Variants in ASB13 observed in about 807,000 individuals in gnomAD.
ASB13 encodes ankyrin repeat and SOCS box protein 13.
In ASB13, 33 loss-of-function variants were observed where a neutral mutation model predicts 28.8. The ratio of observed to expected loss-of-function variants is 1.15; its 90% confidence interval spans 0.87 to 1.53. The LOEUF (loss-of-function observed/expected upper bound fraction) is 1.53, where lower values mean the gene tolerates loss of function less well. Ranked by LOEUF, ASB13 falls within the 40% of genes most tolerant of loss-of-function variation. The pLI is 0.00. For missense variants in ASB13, 414 were observed against 390.1 expected (o/e 1.06, Z -0.52); for synonymous variants, 182 against 172.9 (o/e 1.05, Z -0.41).
intron 1 of ASB13, among the ~76,000 whole-genome samples, chr10:5,665,159 A>T (rs1429897712): frequency 6.6e-6 from 1 of 152,194 alleles, no homozygotes; most frequent in Non-Finnish European, 1.5e-5. Context: ...GCAACAGCCC[A>T]AAACCTAAAT....
rs112379661 is a variant in ASB13 at position 5,659,565 on chromosome 10, T to C, written c.44-6515A>G. On this transcript the variant is annotated intron_variant, in intron 1 of 5. Transcript: ENST00000357700. This position sits in a 1 kb window ranked among gnomAD's most constrained non-coding sequence, Gnocchi z 5.8. ...CTGTTCCTTCCCCTGCCTGGAAAGC[T>C]CTTCTCAGCCCCATTCCCCACCTTG... Among the ~76,000 whole-genome samples the C allele has an allele frequency of 0.012, 1,884 of 152,160 alleles. 42 individuals are homozygous for C. Among genetic ancestry groups the C allele is most frequent in the African/African-American group, 0.044 (1,809 of 41,498 alleles).
intron 1 of ASB13, 38 bp downstream of exon 1, chr10:5,666,471 C>T: frequency 7.8e-7 from 1 of 1,283,642 alleles, no homozygotes. Flanking sequence ...GAGCCGGCGC[C>T]GCTGCCTCGC....
Position 5,658,152 on chromosome 10 carries a change from T to C in ASB13, c.44-5102A>G, listed in dbSNP as rs936387514. On this transcript the variant is annotated intron_variant, in intron 1 of 5. Coordinates refer to ENST00000357700, the MANE Select transcript of ASB13 (RefSeq NM_024701.4). This position sits in a 1 kb window ranked among gnomAD's most constrained non-coding sequence, Gnocchi z 4.2. ...CAGCCTGGGTGACAGAGAGAGACTC[T>C]GTCTCAAAAATAAATAAATAAATAC... Among the ~76,000 whole-genome samples the C allele has an allele frequency of 3.3e-5, 5 of 150,582 alleles. No individual in the cohort carries two copies. Among genetic ancestry groups the C allele is most frequent in the African/African-American group, 1.2e-4 (5 of 40,784 alleles).
intron 4 of ASB13, among the ~76,000 whole-genome samples, chr10:5,648,713 G>T (rs1264284412): frequency 6.7e-6 from 1 of 148,548 alleles, no homozygotes; most frequent in Admixed American, 6.7e-5. Flanking sequence ...CACCCCCGGG[G>T]GTAAACACCC....
Position 5,649,253 on chromosome 10 carries a change from A to T in ASB13, c.383-149T>A. On this transcript the variant is annotated intron_variant, in intron 3 of 5. Transcript: ENST00000357700. The surrounding 1 kb of genome is among the most constrained non-coding windows in gnomAD (Gnocchi z 6.4). The stretch of plus-strand genomic sequence containing the variant: ...TGCGTCCCAACCTAGGGAGGAGTTC[A>T]TGACCCGCATGGCCCTCAGGAAGCC... 1 of 1,076,166 alleles carries T rather than the reference A, an allele frequency of 9.3e-7. No individual in the cohort carries two copies. The allele number at this position is 1,076,166 out of a possible 1,614,324, so 66.7% of individuals were successfully genotyped here.
In ASB13 at chr10:5,652,026, C is replaced by CCA. The variant is rs5782851; in HGVS notation, c.232-665_232-664dup. On this transcript the variant is annotated intron_variant, in intron 2 of 5. Transcript: ENST00000357700. The surrounding 1 kb of genome is among the most constrained non-coding windows in gnomAD (Gnocchi z 5.0). ...CAAAAAAAAAAAAAAAAAAAAAAAA[C>CCA]CACACACACACACACACACACACAC... Among the ~76,000 whole-genome samples the CCA allele has an allele frequency of 0.16, 9,256 of 58,690 alleles. 867 individuals carry two copies. Among genetic ancestry groups the CCA allele is most frequent in the Admixed American group, 0.29 (1,541 of 5,236 alleles). The allele number at this position is 58,690 out of a possible 152,430, so 38.5% of individuals were successfully genotyped here. A position where few individuals can be genotyped will look rare whatever the true frequency, so the allele number is the denominator to read the frequency against.
chr10:5,665,371 T>A (rs1041591733), intron 1 of ASB13, among the ~76,000 whole-genome samples: 1 of 152,182 alleles, frequency 6.6e-6, no homozygotes, highest in Non-Finnish European at 1.5e-5. Flanking sequence ...AAAATGACAA[T>A]GTCAAAAATA....
rs570587525 is a variant in ASB13 at position 5,664,664 on chromosome 10, C to A, written c.43+1845G>T. 3.3e-4 allele frequency among the ~76,000 whole-genome samples: 49 copies of A among 147,744 alleles called. No homozygotes were observed. Among genetic ancestry groups the A allele is most frequent in the East Asian group, 1.2e-3 (6 of 5,068 alleles). On this transcript the variant is annotated intron_variant, in intron 1 of 5. Transcript: ENST00000357700. This position sits in a 1 kb window ranked among gnomAD's most constrained non-coding sequence, Gnocchi z 4.2. ...GACGTCCATAGGGAATGCAGAATTT[C>A]TTTATTTCTTTATTTATTTATTTTA...
chr10:5,666,440 C>A (rs1418363232), intron 1 of ASB13, 69 bp downstream of exon 1: 4 of 1,227,792 alleles, frequency 3.3e-6, no homozygotes, highest in Non-Finnish European at 4.1e-6. Flanking sequence ...CGCAGGCCAT[C>A]GGATACGCGG....
chr10:5,640,979 C>T (rs1052615898), intron 5 of ASB13, 149 bp from the exon 6 acceptor site: 54 of 1,069,612 alleles, frequency 5.0e-5, no homozygotes, highest in Non-Finnish European at 6.6e-5. Flanking sequence ...GAAGGACAGC[C>T]AGGAACCCGA....
chr10:5,648,050 C>G (rs1029129872), intron 4 of ASB13, among the ~76,000 whole-genome samples: 52 of 110,968 alleles, frequency 4.7e-4, no homozygotes, highest in Non-Finnish European at 7.0e-4. Flanking sequence ...CAGGCAAACA[C>G]CCACTCAGGT....
In ASB13 at chr10:5,664,538, A is replaced by C. The variant is rs1835225242; in HGVS notation, c.43+1971T>G. Among the ~76,000 whole-genome samples, 2 of 152,092 alleles carry C rather than the reference A, an allele frequency of 1.3e-5. No individual in the cohort carries two copies. The highest frequency in any genetic ancestry group is 4.2e-4 in the South Asian group (2 of 4,808). On this transcript the variant is annotated intron_variant, in intron 1 of 5. Transcript: ENST00000357700. This position sits in a 1 kb window ranked among gnomAD's most constrained non-coding sequence, Gnocchi z 4.2. ...CAGTCACAATAATGTCAACACTGAA[A>C]TCTGATTTAAACAAAAACAATTCTA...
chr10:5,660,784 A>G lies in ASB13; in HGVS notation c.43+5725T>C, dbSNP rs1835147135. 6.6e-6 allele frequency among the ~76,000 whole-genome samples: 1 copy of G among 152,000 alleles called. No homozygotes were observed. Among genetic ancestry groups the G allele is most frequent in the African/African-American group, 2.4e-5 (1 of 41,384 alleles). ...CTTGCATTCCAGCTCCAGTAACTCA[A>G]TCCTTACCTAAGTCGGGTGACTGAT... On this transcript the variant is annotated intron_variant, in intron 1 of 5. Transcript: ENST00000357700. The surrounding 1 kb of genome is among the most constrained non-coding windows in gnomAD (Gnocchi z 6.1).
In ASB13 at chr10:5,656,785, C is replaced by T. The variant is rs181547123; in HGVS notation, c.44-3735G>A. Among the ~76,000 whole-genome samples, 98 of 152,292 alleles carry T rather than the reference C, an allele frequency of 6.4e-4. 1 individual carries two copies. The highest frequency in any genetic ancestry group is 1.0e-3 in the Non-Finnish European group (71 of 68,010). On this transcript the variant is annotated intron_variant, in intron 1 of 5. Coordinates refer to ENST00000357700, the MANE Select transcript of ASB13 (RefSeq NM_024701.4). This position sits in a 1 kb window ranked among gnomAD's most constrained non-coding sequence, Gnocchi z 4.3. The stretch of plus-strand genomic sequence containing the variant: ...ACCTGATCAAGGACAAAGATGTTCC[C>T]AACCTCCTAGGACCTTCACTGGTGC...
chr10:5,654,517 T>C (rs1438952313), intron 1 of ASB13, among the ~76,000 whole-genome samples: 2 of 152,184 alleles, frequency 1.3e-5, no homozygotes, highest in African/African-American at 4.8e-5. Context: ...AGACAAAAGC[T>C]CGCTAACTGG....
At position 5,664,978 on chromosome 10, in the gene ASB13, T is replaced by C. The variant is rs1254283596; in HGVS notation, c.43+1531A>G. On this transcript the variant is annotated intron_variant, in intron 1 of 5. Coordinates refer to ENST00000357700, the MANE Select transcript of ASB13 (RefSeq NM_024701.4). This position sits in a 1 kb window ranked among gnomAD's most constrained non-coding sequence, Gnocchi z 4.2. ...TTCGAGTGATTCTTCTGCCTCAGTC[T>C]CCCAAGTAGCTGGAACTACAGGCAC... Among the ~76,000 whole-genome samples the C allele has an allele frequency of 2.6e-5, 4 of 152,098 alleles. No homozygotes were observed. The highest frequency in any genetic ancestry group is 9.7e-5 in the African/African-American group (4 of 41,430).
rs1376613810 is a variant in ASB13, at chr10:5,655,593, C to T, written c.44-2543G>A. 1.3e-5 allele frequency among the ~76,000 whole-genome samples: 2 copies of T among 152,276 alleles called. No homozygotes were observed. The highest frequency in any genetic ancestry group is 2.4e-5 in the African/African-American group (1 of 41,558). On this transcript the variant is annotated intron_variant, in intron 1 of 5. Coordinates refer to ENST00000357700, the MANE Select transcript of ASB13 (RefSeq NM_024701.4). This position sits in a 1 kb window ranked among gnomAD's most constrained non-coding sequence, Gnocchi z 6.2. Reference sequence around the variant, plus strand: ...GAGAACTGAACCACAAAGGAAGATTCGATCCCCACAAAATGTAAAAGTCAA... The same window carrying T: ...GAGAACTGAACCACAAAGGAAGATTTGATCCCCACAAAATGTAAAAGTCAA...
At position 5,644,447 on chromosome 10, in the gene ASB13, G is replaced by A. The variant is rs957812848; in HGVS notation, c.518-2486C>T. Reference sequence around the variant, plus strand: ...GGAGGTTGAGGCTGCAGCAAGCCACGATCGTACCACTGCACTCCAGCCTGG... The same window carrying A: ...GGAGGTTGAGGCTGCAGCAAGCCACAATCGTACCACTGCACTCCAGCCTGG... On this transcript the variant is annotated intron_variant, in intron 4 of 5. Coordinates refer to ENST00000357700, the MANE Select transcript of ASB13 (RefSeq NM_024701.4). This position sits in a 1 kb window ranked among gnomAD's most constrained non-coding sequence, Gnocchi z 5.1. Among the ~76,000 whole-genome samples the A allele has an allele frequency of 6.6e-6, 1 of 152,132 alleles. No homozygotes were observed. Among genetic ancestry groups the A allele is most frequent in the South Asian group, 2.1e-4 (1 of 4,820 alleles).
Position 5,642,815 on chromosome 10 carries a change from T to C in ASB13, c.518-854A>G, listed in dbSNP as rs569600072. Among the ~76,000 whole-genome samples the C allele has an allele frequency of 3.3e-4, 50 of 152,284 alleles. No individual in the cohort carries two copies. The highest frequency in any genetic ancestry group is 1.2e-3 in the African/African-American group (48 of 41,558). The stretch of plus-strand genomic sequence containing the variant: ...GTGTGCCACCATGCCCGGCTAATTT[T>C]TCTATTTTTTGTAGAGACGGGGTTT... On this transcript the variant is annotated intron_variant, in intron 4 of 5. Transcript: ENST00000357700. This position sits in a 1 kb window ranked among gnomAD's most constrained non-coding sequence, Gnocchi z 4.1.
Sources: gnomAD v4.1 joint callset for allele counts (sites outside exome capture counted in the v4.1 genomes callset) on GRCh38, gnomAD v4.1.1 for gene constraint, Gnocchi (gnomAD v3.1) non-coding constraint, MANE v1.5 for transcripts, NCBI Gene and HGNC (gene_info 2026-07-23, HGNC 2026-07-21) for gene names.